FMN1: variants seen among roughly 807,000 people sequenced by gnomAD.
FMN1 encodes formin-1.
FMN1 carries 110 observed loss-of-function variants against 132.4 expected under a neutral mutation model. That is an observed-to-expected ratio of 0.83 (90% CI 0.71 to 0.97). The LOEUF is 0.97. FMN1 is among the 50% of genes least tolerant of loss of function. The pLI, the probability that FMN1 is intolerant of heterozygous loss-of-function variation, is 0.00. For synonymous variants in FMN1, 722 were observed against 651.7 expected (o/e 1.11, Z -1.64); for missense variants, 1,792 against 1,705.3 (o/e 1.05, Z -0.90).
rs904998781 is a variant in FMN1, at chr15:32,994,232, T to TCTCTCTCTCTCTCTCTCA, written c.2223+13781_2223+13782insTGAGAGAGAGAGAGAGAG. 3.2e-3 allele frequency among the ~76,000 whole-genome samples: 121 copies of TCTCTCTCTCTCTCTCTCA among 37,246 alleles called. No individual in the cohort carries two copies. The East Asian group carries it at 0.055, about 17-fold the overall frequency. The allele number at this position is 37,246 out of a possible 152,430, so 24.4% of individuals were successfully genotyped here. On this transcript the variant is annotated intron_variant, in intron 7 of 20. Transcript: ENST00000616417. ...TCATTCCTCTCTCTCTCTCTCTCTC[T>TCTCTCTCTCTCTCTCTCA]CACACACACACACACACAGACACAC...
chr15:33,032,846 G>A (rs1228084209), intron 6 of FMN1, among the ~76,000 whole-genome samples: 1 of 151,382 alleles, frequency 6.6e-6, no homozygotes, highest in African/African-American at 2.5e-5. Flanking sequence ...GACCTGGGGG[G>A]GTTATTTTAC....
At chr15:32,872,040 CTT>C (rs11311528) in intron 16 of FMN1, among the ~76,000 whole-genome samples, 17 of 140,896 alleles carry the variant, frequency 1.2e-4, no homozygotes, top group African/African-American at 2.9e-4. Flanking sequence ...GAAAGTAGCT[CTT>C]TTTTTTTTTT....
rs1413794040 is a variant in FMN1, at chr15:32,765,775, C to T, written c.*8535G>A. On this transcript the variant is annotated 3_prime_UTR_variant, in exon 21 of 21. Coordinates refer to ENST00000616417, the MANE Select transcript of FMN1 (RefSeq NM_001277313.2). ...TACAAAAATACACTTGATATTGTGA[C>T]CAAGTACTGTCAAGGAGGAAAAAAT... is the stretch of plus-strand genomic sequence containing the variant. 6.6e-6 allele frequency: 1 copy of T among 151,896 alleles called. No individual in the cohort carries two copies. The highest frequency in any genetic ancestry group is 1.5e-5 in the Non-Finnish European group (1 of 67,960). The allele number at this position is 151,896 out of a possible 1,614,324, so 9.4% of individuals were successfully genotyped here.
chr15:33,085,433 T>C lies in FMN1; in HGVS notation c.2043+3366A>G, dbSNP rs1048793362. Reference sequence around the variant, plus strand: ...CAGAAAATAATCTAAAAAAACTATTTTAGTTTTATAATTCTGATTAATGAA... The same window carrying C: ...CAGAAAATAATCTAAAAAAACTATTCTAGTTTTATAATTCTGATTAATGAA... On this transcript the variant is annotated intron_variant, in intron 5 of 20. Coordinates refer to ENST00000616417, the MANE Select transcript of FMN1 (RefSeq NM_001277313.2). Among the ~76,000 whole-genome samples the C allele has an allele frequency of 3.3e-5, 5 of 151,986 alleles. No individual in the cohort carries two copies. The East Asian group carries it at 9.6e-4, about 29-fold the overall frequency.
chr15:33,118,791 A>G (rs1962274022), intron 4 of FMN1, among the ~76,000 whole-genome samples: 1 of 152,122 alleles, frequency 6.6e-6, no homozygotes, highest in African/African-American at 2.4e-5. Context: ...TATTACATCA[A>G]CCTATCTTTA....
At chr15:33,036,313 T>G (rs1015948672) in intron 6 of FMN1, among the ~76,000 whole-genome samples, 1 of 129,958 alleles carries the variant, frequency 7.7e-6, no homozygotes, top group Non-Finnish European at 1.8e-5. Flanking sequence ...TGTATACACT[T>G]GAAATAAAAT....
At chr15:32,971,613 G>A (rs1163644783) in intron 7 of FMN1, among the ~76,000 whole-genome samples, 3 of 152,096 alleles carry the variant, frequency 2.0e-5, no homozygotes, top group Non-Finnish European at 4.4e-5. Flanking sequence ...GTTCGGTTCT[G>A]TCACAACAAA....
At chr15:33,048,638 A>AAAAAAAAAACAAAAAAAAAAAAC (rs1555388912) in intron 6 of FMN1, among the ~76,000 whole-genome samples, 3 of 21,494 alleles carry the variant, frequency 1.4e-4, no homozygotes, top group African/African-American at 3.6e-4. Flanking sequence ...TACCAAAAAA[A>AAAAAAAAAACAAAAAAAAAAAAC]AAAAAAAAAA....
At chr15:32,851,301 C>T (rs113912529) in intron 17 of FMN1, among the ~76,000 whole-genome samples, 1,882 of 152,248 alleles carry the variant, frequency 0.012, 33 homozygotes, top group African/African-American at 0.042. Flanking sequence ...GCTATAAATA[C>T]AAATGACCAA....
chr15:32,908,657 C>CA, intron 11 of FMN1, 79 bp from the exon 12 acceptor site: 1 of 847,396 alleles, frequency 1.2e-6, no homozygotes, highest in Non-Finnish European at 1.8e-6. Context: ...CAGTGGGTCT[C>CA]AAAGTCTCGA....
At chr15:33,013,196 A>G in intron 6 of FMN1, 4 of 330,860 alleles carry the variant, frequency 1.2e-5, no homozygotes, top group South Asian at 1.2e-4. Flanking sequence ...GCTACAAAGA[A>G]GACATGTTTT....
At chr15:32,785,218 A>ATATATTTTT (rs1444523400) in intron 19 of FMN1, among the ~76,000 whole-genome samples, 10 of 39,206 alleles carry the variant, frequency 2.6e-4, no homozygotes, top group African/African-American at 8.3e-4. Context: ...ATATATATAT[A>ATATATTTTT]TTTTTTTTTT....
At chr15:33,163,423 T>A (rs964226926) in intron 3 of FMN1, among the ~76,000 whole-genome samples, 2 of 151,412 alleles carry the variant, frequency 1.3e-5, no homozygotes, top group Non-Finnish European at 2.9e-5. Context: ...GCCTCCCGAG[T>A]AGCTGGGATT....
At position 32,888,962 on chromosome 15, in the gene FMN1, G is replaced by C. The variant is rs371905095; in HGVS notation, c.3715-670C>G. Among the ~76,000 whole-genome samples the C allele has an allele frequency of 9.3e-5, 14 of 151,092 alleles. No homozygotes were observed. In the East Asian group the frequency reaches 1.4e-3, roughly 15 times the overall value. On this transcript the variant is annotated intron_variant, in intron 15 of 20. Transcript: ENST00000616417. Reference sequence around the variant, plus strand: ...CAGCCTTGACCTTCCAGGTCCAAGCGATCCTTCTAGTTCAGCCTATTAGCT... The same window carrying C: ...CAGCCTTGACCTTCCAGGTCCAAGCCATCCTTCTAGTTCAGCCTATTAGCT...
intron 16 of FMN1, among the ~76,000 whole-genome samples, chr15:32,857,534 C>CA (rs2059164001): frequency 6.6e-6 from 1 of 152,266 alleles, no homozygotes; most frequent in Admixed American, 6.5e-5. Context: ...CAGAAATTCT[C>CA]AGGCACCCAA....
intron 9 of FMN1, among the ~76,000 whole-genome samples, chr15:32,960,990 C>T (rs183700009): frequency 5.9e-4 from 64 of 108,426 alleles, no homozygotes; most frequent in African/African-American, 2.0e-3. Context: ...AGTGAGACTC[C>T]GTCTCAAAAA....
In FMN1 at chr15:32,770,742, C is replaced by G. The variant is rs1288266946; in HGVS notation, c.*3568G>C. On this transcript the variant is annotated 3_prime_UTR_variant, in exon 21 of 21. Transcript: ENST00000616417. ...CTGCATGCCATCTGATATTCAATTC[C>G]TCAACCATACTGGCAATTTGTTTTG... 1 of 152,168 alleles carries G rather than the reference C, an allele frequency of 6.6e-6. No homozygotes were observed. Among genetic ancestry groups the G allele is most frequent in the Non-Finnish European group, 1.5e-5 (1 of 68,038 alleles). The allele number at this position is 152,168 out of a possible 1,614,324, so 9.4% of individuals were successfully genotyped here. A position where few individuals can be genotyped will look rare whatever the true frequency, so the allele number is the denominator to read the frequency against.
intron 6 of FMN1, among the ~76,000 whole-genome samples, chr15:33,013,556 A>AT (rs2034860584): frequency 6.6e-6 from 1 of 152,194 alleles, no homozygotes; most frequent in African/African-American, 2.4e-5. Flanking sequence ...TAAATTGGAT[A>AT]TTTTTTACGA....
At chr15:32,808,407 C>G (rs888187320) in intron 17 of FMN1, among the ~76,000 whole-genome samples, 1 of 152,204 alleles carries the variant, frequency 6.6e-6, no homozygotes. Flanking sequence ...CCAGTCTTTG[C>G]AGTCAGGTCT....
Sources: allele counts gnomAD v4.1 joint callset (sites outside exome capture counted in the v4.1 genomes callset), GRCh38; gene constraint gnomAD v4.1.1; transcripts MANE v1.5; gene names NCBI Gene and HGNC (gene_info 2026-07-23, HGNC 2026-07-21).